INPP4A: variants seen among roughly 807,000 people sequenced by gnomAD.
INPP4A encodes inositol polyphosphate-4-phosphatase type I A.
Under a neutral mutation model 119.8 loss-of-function variants are expected in INPP4A, and 33 were observed. The ratio of observed to expected loss-of-function variants is 0.28; its 90% CI spans 0.21 to 0.37. The LOEUF (loss-of-function observed/expected upper bound fraction) is 0.37, where lower values mean the gene tolerates loss of function less well. Among genes scored for constraint, INPP4A ranks in the 10% least tolerant of loss-of-function variants. INPP4A has a pLI of 1.00. For missense variants in INPP4A, 956 were observed against 1,289.9 expected, an observed-to-expected ratio of 0.74 and a Z score of 3.97; for synonymous variants, 496 against 500.7, an observed-to-expected ratio of 0.99 and a Z score of 0.12.
rs1195510491 is a variant in INPP4A, at chr2:98,569,679, T to C, written c.2518+1011T>C. On this transcript the variant is annotated intron_variant, in intron 22 of 24. Coordinates refer to ENST00000409851, the MANE Select transcript of INPP4A (RefSeq NM_001134225.2). The surrounding 1 kb of genome is among the most constrained non-coding windows in gnomAD (Gnocchi z 5.1). The stretch of plus-strand genomic sequence containing the variant: ...GTCGGTGATAGGATCCATGTCCAGA[T>C]GAAGAAAGGGGTGCCTGGCTCTGAA... 1 of 152,254 alleles carries C rather than the reference T, an allele frequency of 6.6e-6. No homozygotes were observed. The highest frequency in any genetic ancestry group is 1.5e-5 in the Non-Finnish European group (1 of 68,140). The allele number at this position is 152,254 out of a possible 1,614,324, so 9.4% of individuals were successfully genotyped here.
intron 11 of INPP4A, among the ~76,000 whole-genome samples, chr2:98,544,728 A>G (rs1419997707): frequency 1.3e-5 from 2 of 152,174 alleles, no homozygotes; most frequent in Admixed American, 6.5e-5. Context: ...CTTTTACATA[A>G]TGGAATTTCA....
chr2:98,554,241 T>C lies in INPP4A; in HGVS notation c.1348-30T>C. 1 of 1,557,100 alleles carries C rather than the reference T, an allele frequency of 6.4e-7. No homozygotes were observed. The highest frequency in any genetic ancestry group is 8.7e-7 in the Non-Finnish European group (1 of 1,147,720). On this transcript the variant is annotated intron_variant, in intron 14 of 24. Transcript: ENST00000409851. The surrounding 1 kb of genome is among the most constrained non-coding windows in gnomAD (Gnocchi z 4.7). ...GGCCTCCCCAGCCCCTGGCCTGGGC[T>C]CAGCAGCCTTGGTTTGTGTGCACCT...
rs1700463060 is a variant in INPP4A, at chr2:98,592,867, T to TG, written c.*5264dup. The TG allele has an allele frequency of 6.6e-6, 1 of 152,412 alleles. No individual in the cohort carries two copies. Among genetic ancestry groups the TG allele is most frequent in the Non-Finnish European group, 1.5e-5 (1 of 68,232 alleles). 9.4% of individuals were successfully genotyped at this position (152,412 alleles called of 1,614,324 possible). A position where few individuals can be genotyped will look rare whatever the true frequency, so the allele number is the denominator to read the frequency against. ...ATGACTTTTGAGTGGGAAAAGCTGG[T>TG]GGGGGCTACACCGTGCTCTGCAGTG... On this transcript the variant is annotated 3_prime_UTR_variant, in exon 25 of 25. Coordinates refer to ENST00000409851, the MANE Select transcript of INPP4A (RefSeq NM_001134225.2).
intron 1 of INPP4A, among the ~76,000 whole-genome samples, chr2:98,475,400 T>G (rs1343403150): frequency 6.6e-6 from 1 of 152,210 alleles, no homozygotes; most frequent in African/African-American, 2.4e-5. Flanking sequence ...GGGCGGTGTT[T>G]CAAGTTCTGA....
intron 7 of INPP4A, 64 bp from the exon 8 acceptor site, chr2:98,537,799 T>C: frequency 7.9e-7 from 1 of 1,268,364 alleles, no homozygotes; most frequent in Non-Finnish European, 1.1e-6. Flanking sequence ...GCTAGGGCTT[T>C]GTATTTCAGC....
At chr2:98,545,821 G>A in intron 11 of INPP4A, 148 bp from the exon 12 acceptor site, 1 of 566,826 alleles carries the variant, frequency 1.8e-6, no homozygotes, top group Non-Finnish European at 3.1e-6. Context: ...GAAATGAAAT[G>A]TGCTCATGGC....
chr2:98,559,397 T>G, intron 16 of INPP4A, 66 bp from the exon 17 acceptor site: 306 of 1,573,216 alleles, frequency 1.9e-4, no homozygotes, highest in Non-Finnish European at 2.5e-4. Context: ...GCTCTGAGAT[T>G]GAGTTGCTTG....
intron 4 of INPP4A, among the ~76,000 whole-genome samples, chr2:98,527,344 A>G (rs1212776075): frequency 1.3e-5 from 2 of 152,200 alleles, no homozygotes; most frequent in Non-Finnish European, 2.9e-5. Context: ...ATCAGTGACA[A>G]CAGCTTTTTC....
chr2:98,446,244 C>CT lies in INPP4A; in HGVS notation c.-166+1160dup, dbSNP rs780295576. Among the ~76,000 whole-genome samples the CT allele has an allele frequency of 2.6e-5, 4 of 152,356 alleles. No homozygotes were observed. The East Asian group carries it at 5.8e-4, about 22-fold the overall frequency. ...GTAGAATTGCTTGCTATAGGTTGTCCTAGAATTGAGCCTAATTTTTCTTTG... is the reference window on the plus strand; with the variant it reads ...GTAGAATTGCTTGCTATAGGTTGTCCTTAGAATTGAGCCTAATTTTTCTTTG... On this transcript the variant is annotated intron_variant, in intron 1 of 24. Coordinates refer to ENST00000409851, the MANE Select transcript of INPP4A (RefSeq NM_001134225.2).
rs1023782696 is a variant in INPP4A at position 98,552,913 on chromosome 2, G to T, written c.1291G>T (p.Ala431Ser). Residue 431 changes from alanine (A) to serine (S), a missense_variant, in exon 14 of 25, where the codon GCC (alanine) becomes TCC (serine). Coordinates refer to ENST00000409851, the MANE Select transcript of INPP4A (RefSeq NM_001134225.2). ...CTACGCAGAGCGGCTGTCAAGGGCA[G>T]CCAAGGACAGGTCTGCCACTGGCCT... ...SYYAERLSRA[A>S]KDRSATGLER... is the part of the protein sequence containing the mutation. 4.3e-6 allele frequency: 7 copies of T among 1,613,654 alleles called. No individual in the cohort carries two copies. The highest frequency in any genetic ancestry group is 5.9e-6 in the Non-Finnish European group (7 of 1,179,740).
chr2:98,471,807 G>C (rs1041720445), intron 1 of INPP4A, among the ~76,000 whole-genome samples: 2 of 152,248 alleles, frequency 1.3e-5, no homozygotes, highest in African/African-American at 4.8e-5. Context: ...TGAAGTCACA[G>C]ACAGCACCGT....
intron 1 of INPP4A, among the ~76,000 whole-genome samples, chr2:98,485,833 T>C (rs1414684584): frequency 1.3e-5 from 2 of 152,256 alleles, no homozygotes; most frequent in African/African-American, 4.8e-5. Context: ...ATATCGTGTC[T>C]AAAGTACTAA....
At chr2:98,445,674 G>C (rs1694062508) in intron 1 of INPP4A, among the ~76,000 whole-genome samples, 1 of 152,230 alleles carries the variant, frequency 6.6e-6, no homozygotes, top group Non-Finnish European at 1.5e-5. Flanking sequence ...GTAGGCCCCA[G>C]AAGACAGACG....
intron 1 of INPP4A, among the ~76,000 whole-genome samples, chr2:98,494,122 A>G (rs935197690): frequency 3.9e-5 from 6 of 152,204 alleles, no homozygotes; most frequent in African/African-American, 1.4e-4. Context: ...CCAGCTCAGC[A>G]TGAGAGAAGC....
intron 1 of INPP4A, among the ~76,000 whole-genome samples, chr2:98,457,616 T>C (rs995814149): frequency 2.0e-5 from 3 of 152,210 alleles, no homozygotes; most frequent in African/African-American, 4.8e-5. Context: ...CTGTAATGAA[T>C]ACAAACAGTT....
Position 98,552,818 on chromosome 2 carries a change from T to C in INPP4A, c.1196T>C (p.Ile399Thr), listed in dbSNP as rs1693774993. 6.2e-7 allele frequency: 1 copy of C among 1,613,612 alleles called. No homozygotes were observed. ...TSSGCQSIIY[I>T]PQDVVRAKEI... ...TCTGGCTGCCAGTCCATAATCTACA[T>C]ACCCCAGGATGTTGTCAGAGCCAAG... Residue 399 changes from isoleucine (I) to threonine (T), a missense_variant, in exon 14 of 25, where the codon ATA (isoleucine) becomes ACA (threonine). Ile to Thr is a moderately conservative substitution (Grantham distance 89, BLOSUM62 -1). Coordinates refer to ENST00000409851, the MANE Select transcript of INPP4A (RefSeq NM_001134225.2).
intron 22 of INPP4A, among the ~76,000 whole-genome samples, chr2:98,572,521 C>T (rs949386828): frequency 3.9e-5 from 6 of 152,336 alleles, no homozygotes; most frequent in East Asian, 1.9e-4. Context: ...GGGAGGGGTG[C>T]GGGAGGCATG....
At chr2:98,493,701 A>G (rs1373808110) in intron 1 of INPP4A, among the ~76,000 whole-genome samples, 1 of 152,150 alleles carries the variant, frequency 6.6e-6, no homozygotes, top group Non-Finnish European at 1.5e-5. Context: ...ATGTCTTTTT[A>G]AAAGCACGGT....
intron 5 of INPP4A, among the ~76,000 whole-genome samples, chr2:98,535,209 A>G (rs1690008358): frequency 6.6e-6 from 1 of 152,216 alleles, no homozygotes; most frequent in African/African-American, 2.4e-5. Context: ...AGCTGATCCT[A>G]AAAAAAGGAT....
Sources: allele counts gnomAD v4.1 joint callset (sites outside exome capture counted in the v4.1 genomes callset), GRCh38; gene constraint gnomAD v4.1.1; non-coding constraint Gnocchi (gnomAD v3.1); transcripts MANE v1.5; gene names NCBI Gene and HGNC (gene_info 2026-07-23, HGNC 2026-07-21).